DOCK9: variants seen among roughly 807,000 people sequenced by gnomAD.
DOCK9 encodes the protein dedicator of cytokinesis 9.
In DOCK9, 89 loss-of-function variants were observed where a neutral mutation model predicts 263.3. That is an observed-to-expected ratio of 0.34 (90% CI 0.28 to 0.40). DOCK9 has a LOEUF of 0.40. Ranked by LOEUF, DOCK9 falls within the 10% of genes least tolerant of loss-of-function variation. The pLI, the probability that DOCK9 is intolerant of heterozygous loss-of-function variation, is 1.00. For missense variants in DOCK9, 2,140 were observed against 2,603.4 expected (o/e 0.82, Z 3.87); for synonymous variants, 976 against 973.1 (o/e 1.00, Z -0.06).
chr13:98,859,749 G>GTATATATATATATATATATATA (rs772535372), intron 33 of DOCK9: 2 of 136,760 alleles, frequency 1.5e-5, no homozygotes, highest in Non-Finnish European at 3.1e-5. Flanking sequence ...GTGTGTGTGT[G>GTATATATATATATATATATATA]TGTGTATATA....
chr13:98,819,154 G>A (rs893167130), intron 45 of DOCK9, among the ~76,000 whole-genome samples: 4 of 152,036 alleles, frequency 2.6e-5, no homozygotes, highest in Non-Finnish European at 4.4e-5. Context: ...ACAGATTCCC[G>A]GGCCCCACAC....
At chr13:99,079,067 C>A (rs1239160189) in intron 1 of DOCK9, among the ~76,000 whole-genome samples, 2 of 152,192 alleles carry the variant, frequency 1.3e-5, no homozygotes, top group Non-Finnish European at 2.9e-5. Flanking sequence ...ACTTTTAAAA[C>A]CTCATTCTTA....
intron 49 of DOCK9, among the ~76,000 whole-genome samples, chr13:98,801,891 T>C (rs1178195938): frequency 6.6e-6 from 1 of 152,216 alleles, no homozygotes; most frequent in Non-Finnish European, 1.5e-5. Context: ...GGCAACCTCA[T>C]ATGTCACGTA....
chr13:99,056,668 A>G (rs1406358150), intron 1 of DOCK9, among the ~76,000 whole-genome samples: 1 of 152,160 alleles, frequency 6.6e-6, no homozygotes, highest in African/African-American at 2.4e-5. Flanking sequence ...AATTTAATGG[A>G]GAGTACACCT....
intron 3 of DOCK9, among the ~76,000 whole-genome samples, chr13:98,929,858 T>C (rs1192296336): frequency 1.3e-5 from 2 of 152,146 alleles, no homozygotes; most frequent in African/African-American, 4.8e-5. Context: ...AGTGAATTCA[T>C]TTACAAGTTA....
At chr13:98,924,791 G>A (rs2052648492) in intron 4 of DOCK9, among the ~76,000 whole-genome samples, 2 of 152,164 alleles carry the variant, frequency 1.3e-5, no homozygotes, top group African/African-American at 4.8e-5. Flanking sequence ...TTTTGAAGCA[G>A]CACAAAAGTC....
At chr13:98,884,696 G>C (rs1338461842) in intron 21 of DOCK9, among the ~76,000 whole-genome samples, 2 of 152,120 alleles carry the variant, frequency 1.3e-5, no homozygotes, top group South Asian at 4.2e-4. Flanking sequence ...AGTCGGCAGA[G>C]ACAGACCTTA....
At chr13:98,980,007 A>G (rs890739927), upstream of DOCK9, among the ~76,000 whole-genome samples, 6 of 152,246 alleles carry the variant, frequency 3.9e-5, no homozygotes, top group African/African-American at 1.2e-4. Context: ...GGGCATTAAT[A>G]AGAGAAATGC....
rs936219800 is a variant in DOCK9 at position 98,897,574 on chromosome 13, T to C, written c.1623A>G (p.Lys541=). Residue 541 remains lysine (K), a synonymous_variant, in exon 15 of 53, where the codon AAA becomes AAG. Transcript: ENST00000682017. ...LFKDASGNLD[K]NARFSAIYRQ... is the part of the protein sequence containing the mutation. The stretch of plus-strand genomic sequence containing the variant: ...TGTAGATGGCAGAAAATCTGGCATT[T>C]TTGTCAAGATTTCCAGATGCATCCT... 6.2e-7 allele frequency: 1 copy of C among 1,613,862 alleles called. No individual in the cohort carries two copies. Among genetic ancestry groups the C allele is most frequent in the African/African-American group, 1.3e-5 (1 of 74,944 alleles).
At chr13:98,840,325 G>T (rs527534021) in intron 38 of DOCK9, among the ~76,000 whole-genome samples, 1 of 152,208 alleles carries the variant, frequency 6.6e-6, no homozygotes. Context: ...GGTGCCTGGG[G>T]CCCTGCACTG....
intron 38 of DOCK9, among the ~76,000 whole-genome samples, chr13:98,838,391 T>G (rs2093087125): frequency 6.6e-6 from 1 of 152,244 alleles, no homozygotes; most frequent in Non-Finnish European, 1.5e-5. Flanking sequence ...GTCAATAACT[T>G]CAGGAGCTAT....
At chr13:99,058,966 C>G (rs77189573) in intron 1 of DOCK9, among the ~76,000 whole-genome samples, 2,406 of 152,284 alleles carry the variant, frequency 0.016, 66 homozygotes, top group African/African-American at 0.054. Flanking sequence ...AAACACACTT[C>G]CCTTGGCTTC....
At chr13:99,083,977 C>G (rs921359273) in intron 1 of DOCK9, among the ~76,000 whole-genome samples, 5 of 152,182 alleles carry the variant, frequency 3.3e-5, no homozygotes, top group African/African-American at 1.2e-4. Flanking sequence ...TTAGTGCTGA[C>G]CCAAGTTATC....
intron 44 of DOCK9, among the ~76,000 whole-genome samples, chr13:98,824,965 C>T (rs2092462977): frequency 6.6e-6 from 1 of 152,244 alleles, no homozygotes; most frequent in South Asian, 2.1e-4. Flanking sequence ...AAGAACACAT[C>T]TCTCAGATGA....
chr13:99,076,903 A>G (rs535968231), intron 1 of DOCK9, among the ~76,000 whole-genome samples: 2 of 152,342 alleles, frequency 1.3e-5, no homozygotes, highest in East Asian at 1.9e-4. Flanking sequence ...GGAAAGGAAC[A>G]GGCAGTGCAT....
At position 98,829,892 on chromosome 13, in the gene DOCK9, C is replaced by A. The variant is rs16955917; in HGVS notation, c.4636-136G>T. 117,002 of 654,042 alleles carry A rather than the reference C, an allele frequency of 0.18. 12,206 individuals carry two copies. Among genetic ancestry groups the A allele is most frequent in the African/African-American group, 0.36 (19,700 of 55,400 alleles). The allele number at this position is 654,042 out of a possible 1,614,324, so 40.5% of individuals were successfully genotyped here. A position where few individuals can be genotyped will look rare whatever the true frequency, so the allele number is the denominator to read the frequency against. ...GGGGTGCTTTGAGCAGGGGTCGCTC[C>A]GTGTAGGAAACAATGTCTGAGGTAT... On this transcript the variant is annotated intron_variant, in intron 41 of 52. Transcript: ENST00000682017. This position sits in a 1 kb window ranked among gnomAD's most constrained non-coding sequence, Gnocchi z 4.1.
intron 1 of DOCK9, among the ~76,000 whole-genome samples, chr13:99,067,795 A>G (rs1383962870): frequency 2.7e-5 from 4 of 150,656 alleles, no homozygotes; most frequent in Admixed American, 2.6e-4. Flanking sequence ...ATGGAGAGGT[A>G]GGGCTGCTTC....
chr13:98,990,347 G>GTA (rs1268587860), intron 1 of DOCK9, among the ~76,000 whole-genome samples: 7 of 152,184 alleles, frequency 4.6e-5, no homozygotes, highest in African/African-American at 1.4e-4. Context: ...CTCAGACACT[G>GTA]TATTGATATA....
chr13:98,888,144 A>T lies in DOCK9; in HGVS notation c.2043+14T>A, dbSNP rs1216007884. The T allele has an allele frequency of 3.1e-5, 48 of 1,533,578 alleles. No individual in the cohort carries two copies. The Admixed American group carries it at 9.2e-4, about 29-fold the overall frequency. The allele number at this position is 1,533,578 out of a possible 1,614,324, so 95.0% of individuals were successfully genotyped here. On this transcript the variant is annotated intron_variant, in intron 18 of 52. Coordinates refer to ENST00000682017, the MANE Select transcript of DOCK9 (RefSeq NM_001366683.2). ...CAGAATTCGTAGGTGAACATATATT[A>T]AAAAAAAACAAACCTTAAGGGGCTG...
Sources: gnomAD v4.1 joint callset for allele counts (sites outside exome capture counted in the v4.1 genomes callset) on GRCh38, gnomAD v4.1.1 for gene constraint, Gnocchi (gnomAD v3.1) non-coding constraint, MANE v1.5 for transcripts, NCBI Gene and HGNC (gene_info 2026-07-23, HGNC 2026-07-21) for gene names.